MAPK8IP2: variants seen among roughly 807,000 people sequenced by gnomAD.
MAPK8IP2 encodes the protein C-Jun-amino-terminal kinase-interacting protein 2.
MAPK8IP2 carries 15 observed loss-of-function variants against 75.6 expected under a neutral mutation model. That is an observed-to-expected ratio of 0.20 (90% CI 0.13 to 0.31). MAPK8IP2 has a LOEUF of 0.31. MAPK8IP2 is among the 10% of genes least tolerant of loss of function. The probability of loss-of-function intolerance (pLI) is 1.00; values close to 1 mark genes in which losing one functional copy is unlikely to be tolerated. For missense variants in MAPK8IP2, 1,089 were observed against 1,211.2 expected (o/e 0.90, Z 1.50); for synonymous variants, 632 against 554.5 (o/e 1.14, Z -1.96).
At position 50,603,977 on chromosome 22, in the gene MAPK8IP2, C is replaced by G. The variant is rs751775572; in HGVS notation, c.678C>G (p.Pro226=). The G allele has an allele frequency of 6.4e-7, 1 of 1,558,192 alleles. No individual in the cohort carries two copies. Among genetic ancestry groups the G allele is most frequent in the Admixed American group, 1.9e-5 (1 of 53,200 alleles). ...GGGGGACTTCGCCCTCCTCAGATCCCGGCATCGAGGCTGACCTGAGAAGCC... is the reference window on the plus strand; with the variant it reads ...GGGGGACTTCGCCCTCCTCAGATCCGGGCATCGAGGCTGACCTGAGAAGCC... ...APGGTSPSSD[P]GIEADLRSRS... The change falls in exon 5 of 12, where the codon CCC becomes CCG. Residue 226 remains proline (P), a synonymous_variant. Coordinates refer to ENST00000329492, the MANE Select transcript of MAPK8IP2 (RefSeq NM_012324.6).
At chr22:50,609,091 C>A (rs1403828286) in intron 10 of MAPK8IP2, among the ~76,000 whole-genome samples, 1 of 152,114 alleles carries the variant, frequency 6.6e-6, no homozygotes, top group African/African-American at 2.4e-5. Context: ...TCACCCCAGA[C>A]CCCCCGTCCC....
chr22:50,610,605 C>A lies in MAPK8IP2; in HGVS notation c.2403-102C>A. The A allele has an allele frequency of 1.1e-6, 1 of 948,958 alleles. No individual in the cohort carries two copies. Among genetic ancestry groups the A allele is most frequent in the Non-Finnish European group, 1.6e-6 (1 of 614,980 alleles). The allele number at this position is 948,958 out of a possible 1,614,324, so 58.8% of individuals were successfully genotyped here. On this transcript the variant is annotated intron_variant, in intron 11 of 11. Transcript: ENST00000329492. The surrounding 1 kb of genome is among the most constrained non-coding windows in gnomAD (Gnocchi z 4.3). The stretch of plus-strand genomic sequence containing the variant: ...TGCCTGGGTGGGGGGTTATGGATGG[C>A]TGCAGAGGGAGGAAGGAGGGAGAGC...
In MAPK8IP2 at chr22:50,600,862, C is replaced by T; in HGVS notation, c.44C>T (p.Ser15Leu). 7.7e-7 allele frequency: 1 copy of T among 1,297,150 alleles called. No homozygotes were observed. Among genetic ancestry groups the T allele is most frequent in the South Asian group, 1.4e-5 (1 of 72,054 alleles). 80.4% of individuals were successfully genotyped at this position (1,297,150 alleles called of 1,614,324 possible). A position where few individuals can be genotyped will look rare whatever the true frequency, so the allele number is the denominator to read the frequency against. Reference sequence around the variant, plus strand: ...ATGTTTTCTCTCTCCACCTTCCACTCGCTGTCGCCGCCGGGCTGCAGGTAC... The same window carrying T: ...ATGTTTTCTCTCTCCACCTTCCACTTGCTGTCGCCGCCGGGCTGCAGGTAC... ...AEMFSLSTFH[S>L]LSPPGCRPPQ... The change falls in exon 1 of 12, where the codon TCG (serine) becomes TTG (leucine). Residue 15 changes from serine to leucine, a missense_variant. Coordinates refer to ENST00000329492, the MANE Select transcript of MAPK8IP2 (RefSeq NM_012324.6).
In MAPK8IP2 at chr22:50,613,686, C is replaced by T. The variant is rs1211541051; in HGVS notation, c.*2907C>T. The T allele has an allele frequency of 6.6e-6, 1 of 152,314 alleles. No homozygotes were observed. Among genetic ancestry groups the T allele is most frequent in the African/African-American group, 2.4e-5 (1 of 41,458 alleles). 9.4% of individuals were successfully genotyped at this position (152,314 alleles called of 1,614,324 possible). A position where few individuals can be genotyped will look rare whatever the true frequency, so the allele number is the denominator to read the frequency against. On this transcript the variant is annotated 3_prime_UTR_variant, in exon 12 of 12. Coordinates refer to ENST00000329492, the MANE Select transcript of MAPK8IP2 (RefSeq NM_012324.6). ...CCCACCCCTGCATCCCACTTCTGCT[C>T]TGGGAGCCTCTGGGTTCCTGGGCGC... is the stretch of plus-strand genomic sequence containing the variant.
intron 10 of MAPK8IP2, among the ~76,000 whole-genome samples, chr22:50,608,974 T>C (rs1468861189): frequency 6.6e-6 from 1 of 152,054 alleles, no homozygotes; most frequent in Non-Finnish European, 1.5e-5. Context: ...TAGAATTTCG[T>C]GAGAGGAAGG....
rs1603444363 is a variant in MAPK8IP2, at chr22:50,606,849, T to C, written c.2233-72T>C. On this transcript the variant is annotated intron_variant, in intron 9 of 11. Coordinates refer to ENST00000329492, the MANE Select transcript of MAPK8IP2 (RefSeq NM_012324.6). ...CGACGGGGCCAGGCTGGCAGGGGTG[T>C]CCAGTAGGTGGGAGGCAGGGGTGGC... 6 of 1,593,108 alleles carry C rather than the reference T, an allele frequency of 3.8e-6. No individual in the cohort carries two copies. In the East Asian group the frequency reaches 1.3e-4, roughly 36 times the overall value.
chr22:50,602,002 G>A (rs1201671660), intron 2 of MAPK8IP2, 108 bp downstream of exon 2: 26 of 836,112 alleles, frequency 3.1e-5, no homozygotes, highest in Admixed American at 1.2e-4. Flanking sequence ...GCCTTGAACC[G>A]GGGACTCCTC....
chr22:50,605,882 T>A lies in MAPK8IP2; in HGVS notation c.2072T>A (p.Val691Glu). 1 of 1,587,836 alleles carries A rather than the reference T, an allele frequency of 6.3e-7. No individual in the cohort carries two copies. The highest frequency in any genetic ancestry group is 8.6e-7 in the Non-Finnish European group (1 of 1,168,606). ...ERFDVQFLGS[V>E]EVPCHQGNGI... ...TTTGACGTGCAGTTCCTGGGCTCCG[T>A]GGAGGTGCCCTGCCACCAGGGCAAC... The change falls in exon 8 of 12, where the codon GTG (valine) becomes GAG (glutamate). Residue 691 changes from valine (V) to glutamate (E), a missense_variant. Around this residue, in one of 2 missense-constraint regions of MAPK8IP2, gnomAD observed 129 missense variants for 201.7 expected, o/e 0.64. Transcript: ENST00000329492.
Position 50,610,634 on chromosome 22 carries a change from G to GA in MAPK8IP2, c.2403-72dup, listed in dbSNP as rs2071132422. The stretch of plus-strand genomic sequence containing the variant: ...AGAGGGAGGAAGGAGGGAGAGCTCA[G>GA]AGGCTCTGTGGAAGGCAGTTTGGGG... On this transcript the variant is annotated intron_variant, in intron 11 of 11. Transcript: ENST00000329492. The surrounding 1 kb of genome is among the most constrained non-coding windows in gnomAD (Gnocchi z 4.3). 1 of 1,233,886 alleles carries GA rather than the reference G, an allele frequency of 8.1e-7. No homozygotes were observed. The highest frequency in any genetic ancestry group is 1.9e-5 in the Admixed American group (1 of 51,456). 76.4% of individuals were successfully genotyped at this position (1,233,886 alleles called of 1,614,324 possible). A position where few individuals can be genotyped will look rare whatever the true frequency, so the allele number is the denominator to read the frequency against.
rs770159029 is a variant in MAPK8IP2 at position 50,604,834 on chromosome 22, C to A, written c.1535C>A (p.Thr512Lys). Residue 512 changes from threonine to lysine, a missense_variant, in exon 5 of 12, where the codon ACG (threonine) becomes AAG (lysine). Physicochemically the swap from Thr to Lys is moderately conservative, Grantham distance 78. Transcript: ENST00000329492. ...CTGGTGTACGACGCGGTCAAGTACACGCTGGTGGTGGATGAGCACACGCAG... is the reference window on the plus strand; with the variant it reads ...CTGGTGTACGACGCGGTCAAGTACAAGCTGGTGGTGGATGAGCACACGCAG... ...ASLVYDAVKY[T>K]LVVDEHTQLE... 6.3e-7 allele frequency: 1 copy of A among 1,577,384 alleles called. No individual in the cohort carries two copies. Among genetic ancestry groups the A allele is most frequent in the Non-Finnish European group, 8.6e-7 (1 of 1,163,766 alleles).
intron 8 of MAPK8IP2, 60 bp from the exon 9 acceptor site, chr22:50,606,598 G>A (rs1029644592): frequency 8.4e-7 from 1 of 1,194,744 alleles, no homozygotes; most frequent in Admixed American, 2.0e-5. Flanking sequence ...TCCCACCAAG[G>A]GGAAAGAAAG....
rs1881534185 is a variant in MAPK8IP2 at position 50,610,411 on chromosome 22, TG to T, written c.2402+105del. 22 of 1,026,392 alleles carry T rather than the reference TG, an allele frequency of 2.1e-5. No homozygotes were observed. The highest frequency in any genetic ancestry group is 3.2e-5 in the Non-Finnish European group (22 of 681,816). 63.6% of individuals were successfully genotyped at this position (1,026,392 alleles called of 1,614,324 possible). A position where few individuals can be genotyped will look rare whatever the true frequency, so the allele number is the denominator to read the frequency against. On this transcript the variant is annotated intron_variant, in intron 11 of 11. Transcript: ENST00000329492. This position sits in a 1 kb window ranked among gnomAD's most constrained non-coding sequence, Gnocchi z 4.3. ...GGGCAGGAGCCTGGCAGGGGAGGTCTGGGGAAGGAGAACCAGATGTGCTGTG... is the reference window on the plus strand; with the variant it reads ...GGGCAGGAGCCTGGCAGGGGAGGTCTGGGAAGGAGAACCAGATGTGCTGTG...
chr22:50,603,658 G>A lies in MAPK8IP2; in HGVS notation c.480G>A (p.Leu160=). The A allele has an allele frequency of 6.3e-7, 1 of 1,592,822 alleles. No individual in the cohort carries two copies. The highest frequency in any genetic ancestry group is 1.7e-5 in the Admixed American group (1 of 57,626). ...DSLNNNGGFD[L]VRPASWQETA... ...TAAACAACAACGGAGGCTTTGACCT[G>A]GTGCGTCCGGCCTCCTGGCAGGAGA... The change falls in exon 4 of 12, where the codon CTG becomes CTA. Residue 160 remains leucine, a synonymous_variant. Coordinates refer to ENST00000329492, the MANE Select transcript of MAPK8IP2 (RefSeq NM_012324.6).
Position 50,603,448 on chromosome 22 carries a change from C to T in MAPK8IP2, c.397C>T (p.Pro133Ser). 1 of 1,568,924 alleles carries T rather than the reference C, an allele frequency of 6.4e-7. No individual in the cohort carries two copies. Among genetic ancestry groups the T allele is most frequent in the Admixed American group, 1.8e-5 (1 of 56,696 alleles). Residue 133 changes from proline (P) to serine (S), a missense_variant, in exon 3 of 12, where the codon CCC becomes TCC. Pro to Ser is a moderately conservative substitution (Grantham distance 74). This residue lies in a region of MAPK8IP2 where 960 missense variants were observed against 1,009.6 expected (regional missense o/e 0.95). Coordinates refer to ENST00000329492, the MANE Select transcript of MAPK8IP2 (RefSeq NM_012324.6). ...PLIPSPSVEE[P>S]HKHRPTTLRL... Reference sequence around the variant, plus strand: ...TATCCCCTCCCCTTCCGTGGAGGAGCCCCACAAGCACCGGCCCACCACCCT... The same window carrying T: ...TATCCCCTCCCCTTCCGTGGAGGAGTCCCACAAGCACCGGCCCACCACCCT...
chr22:50,605,197 C>T, intron 5 of MAPK8IP2, 133 bp downstream of exon 5: 1 of 1,178,130 alleles, frequency 8.5e-7, no homozygotes, highest in Non-Finnish European at 1.2e-6. Flanking sequence ...TGCCCTCTCC[C>T]ACCCAGGACA....
At position 50,601,966 on chromosome 22, in the gene MAPK8IP2, G is replaced by A. The variant is rs540381057; in HGVS notation, c.171+72G>A. The A allele has an allele frequency of 7.0e-6, 9 of 1,276,978 alleles. No individual in the cohort carries two copies. The South Asian group carries it at 7.2e-5, about 10-fold the overall frequency. The allele number at this position is 1,276,978 out of a possible 1,614,324, so 79.1% of individuals were successfully genotyped here. On this transcript the variant is annotated intron_variant, in intron 2 of 11. Transcript: ENST00000329492. ...ATTAGGTTCTTCTTAGCGTTCACTT[G>A]GGGTTTTAGGGTGGGTGTGAGCTCA...
intron 10 of MAPK8IP2, among the ~76,000 whole-genome samples, chr22:50,608,973 G>A (rs1603444429): frequency 6.6e-6 from 1 of 152,164 alleles, no homozygotes; most frequent in Admixed American, 6.5e-5. Context: ...CTAGAATTTC[G>A]TGAGAGGAAG....
rs1473864358 is a variant in MAPK8IP2, at chr22:50,604,006, C to T, written c.707C>T (p.Ser236Leu). The part of the protein sequence containing the change: ...PGIEADLRSR[S>L]SGGRGGRRSS... The stretch of plus-strand genomic sequence containing the variant: ...ATCGAGGCTGACCTGAGAAGCCGCT[C>T]GAGCGGCGGCCGCGGGGGACGTCGC... The change falls in exon 5 of 12, where the codon TCG becomes TTG. Residue 236 changes from serine to leucine, a missense_variant. Physicochemically the swap from Ser to Leu is moderately radical, Grantham distance 145 (BLOSUM62 -2). Transcript: ENST00000329492. 5 of 1,557,040 alleles carry T rather than the reference C, an allele frequency of 3.2e-6. No individual in the cohort carries two copies. The South Asian group carries it at 4.7e-5, about 15-fold the overall frequency.
chr22:50,605,509 G>A, intron 6 of MAPK8IP2, 53 bp from the exon 7 acceptor site: 1 of 1,604,586 alleles, frequency 6.2e-7, no homozygotes, highest in Non-Finnish European at 8.5e-7. Flanking sequence ...AACGCCAGTG[G>A]ACACGACCGT....
Sources: allele counts gnomAD v4.1 joint callset (sites outside exome capture counted in the v4.1 genomes callset), GRCh38; gene constraint gnomAD v4.1.1; regional missense constraint gnomAD v4.1.1; non-coding constraint Gnocchi (gnomAD v3.1); transcripts MANE v1.5; gene names NCBI Gene and HGNC (gene_info 2026-07-23, HGNC 2026-07-21).